Variants in SLC25A42 observed in about 807,000 individuals in gnomAD.
SLC25A42 encodes mitochondrial coenzyme A transporter SLC25A42.
Under a neutral mutation model 34.7 loss-of-function variants are expected in SLC25A42, and 19 were observed. The observed-to-expected ratio is 0.55, with a 90% CI of 0.38 to 0.80. SLC25A42 has a LOEUF of 0.80. Ranked by LOEUF, SLC25A42 falls within the 30% of genes least tolerant of loss-of-function variation. The pLI is 0.00. For synonymous variants in SLC25A42, 205 were observed against 191.2 expected (o/e 1.07, Z -0.59); for missense variants, 364 against 441.3 (o/e 0.82, Z 1.57).
intron 1 of SLC25A42, among the ~76,000 whole-genome samples, chr19:19,067,461 A>G (rs1308006281): frequency 6.6e-6 from 1 of 152,004 alleles, no homozygotes; most frequent in Non-Finnish European, 1.5e-5. Flanking sequence ...GCGTGCGTAA[A>G]TAGTCTCAGC....
chr19:19,091,759 C>G (rs7248771), intron 1 of SLC25A42, among the ~76,000 whole-genome samples: 1 of 151,888 alleles, frequency 6.6e-6, no homozygotes, highest in Non-Finnish European at 1.5e-5. Flanking sequence ...AGCCTATAAT[C>G]CCAGCTATTC....
intron 5 of SLC25A42, chr19:19,106,057 G>T (rs983950310): frequency 3.6e-6 from 2 of 562,932 alleles, no homozygotes; most frequent in South Asian, 2.3e-5. Flanking sequence ...ATGCCAGCAG[G>T]GGGGAAGGGA....
chr19:19,092,934 A>G (rs976429785), intron 1 of SLC25A42, among the ~76,000 whole-genome samples: 1 of 152,112 alleles, frequency 6.6e-6, no homozygotes, highest in Non-Finnish European at 1.5e-5. Context: ...AGTGCATCCC[A>G]TGGGCTGATG....
chr19:19,071,526 T>G (rs1231085118), intron 1 of SLC25A42, among the ~76,000 whole-genome samples: 1 of 152,138 alleles, frequency 6.6e-6, no homozygotes, highest in African/African-American at 2.4e-5. Flanking sequence ...CTGGGAGATC[T>G]GAAGCTAATG....
chr19:19,079,758 G>T (rs1332333470), intron 1 of SLC25A42, among the ~76,000 whole-genome samples: 1 of 152,136 alleles, frequency 6.6e-6, no homozygotes, highest in Admixed American at 6.6e-5. Flanking sequence ...TTTCTATTGT[G>T]TTGGGGTCTC....
rs17854358 is a variant in SLC25A42, at chr19:19,110,853, C to A, written c.934C>A (p.Leu312Met). ...SFTTFDLMQI[L>M]LRHLQS ...CACCACCTTCGACCTCATGCAGATC[C>A]TGCTGCGGCACCTGCAGAGCTAGGG... is the stretch of plus-strand genomic sequence containing the variant. Residue 312 changes from leucine to methionine, a missense_variant, in exon 8 of 8, where the codon CTG becomes ATG. Transcript: ENST00000318596. 1.2e-6 allele frequency: 2 copies of A among 1,613,936 alleles called. No individual in the cohort carries two copies. Among genetic ancestry groups the A allele is most frequent in the Non-Finnish European group, 1.7e-6 (2 of 1,180,008 alleles).
At chr19:19,104,235 C>A (rs1246642933) in intron 3 of SLC25A42, among the ~76,000 whole-genome samples, 1 of 152,162 alleles carries the variant, frequency 6.6e-6, no homozygotes, top group East Asian at 1.9e-4. Flanking sequence ...TTTAAGTGCG[C>A]ATGAGCAGGT....
chr19:19,088,157 C>T (rs1039756627), intron 1 of SLC25A42, among the ~76,000 whole-genome samples: 9 of 151,474 alleles, frequency 5.9e-5, no homozygotes, highest in African/African-American at 2.2e-4. Flanking sequence ...TTCTAAGGAA[C>T]GGTTCCAGAC....
At chr19:19,104,862 G>A (rs373775794) in intron 3 of SLC25A42, 51 bp from the exon 4 acceptor site, 18 of 1,611,576 alleles carry the variant, frequency 1.1e-5, no homozygotes, top group Non-Finnish European at 1.4e-5. Flanking sequence ...ACGCAGATGG[G>A]AGGTTCTGTC....
intron 3 of SLC25A42, 125 bp downstream of exon 3, chr19:19,102,011 G>GTTT: frequency 1.5e-6 from 1 of 657,940 alleles, no homozygotes; most frequent in African/African-American, 1.9e-5. Flanking sequence ...AAGGTTTTTT[G>GTTT]TTGTTTTTTT....
chr19:19,079,495 A>G (rs1568510232), intron 1 of SLC25A42, among the ~76,000 whole-genome samples: 1 of 152,126 alleles, frequency 6.6e-6, no homozygotes, highest in Non-Finnish European at 1.5e-5. Context: ...GGCATTTCAT[A>G]TCAATGGAAC....
intron 1 of SLC25A42, among the ~76,000 whole-genome samples, chr19:19,089,977 G>C (rs1430684065): frequency 6.6e-6 from 1 of 152,246 alleles, no homozygotes; most frequent in East Asian, 1.9e-4. Context: ...GGGAGAGCAG[G>C]AGTCTGCCTT....
At position 19,105,578 on chromosome 19, in the gene SLC25A42, C is replaced by G; in HGVS notation, c.231C>G (p.Leu77=). Residue 77 remains leucine (L), a synonymous_variant, in exon 5 of 8, where the codon CTC becomes CTG. Coordinates refer to ENST00000318596, the MANE Select transcript of SLC25A42 (RefSeq NM_178526.5). ...ATCTCCAGGAGGCCTTCCGGGTCCTCTACTACACCTACCTCAACGAGGGAT... is the reference window on the plus strand; with the variant it reads ...ATCTCCAGGAGGCCTTCCGGGTCCTGTACTACACCTACCTCAACGAGGGAT... ...RFSAKEAFRV[L]YYTYLNEGFL... 6.2e-7 allele frequency: 1 copy of G among 1,613,810 alleles called. No homozygotes were observed. Among genetic ancestry groups the G allele is most frequent in the East Asian group, 2.2e-5 (1 of 44,884 alleles).
intron 7 of SLC25A42, 52 bp from the exon 8 acceptor site, chr19:19,110,517 G>A (rs2059857296): frequency 1.5e-6 from 2 of 1,366,994 alleles, no homozygotes; most frequent in Non-Finnish European, 9.4e-7. Flanking sequence ...CGGGTGCGGG[G>A]TGCGCGCCCC....
intron 6 of SLC25A42, 143 bp from the exon 7 acceptor site, chr19:19,107,751 A>T: frequency 1.3e-6 from 1 of 763,550 alleles, no homozygotes; most frequent in Non-Finnish European, 2.2e-6. Flanking sequence ...TGATGGGGTT[A>T]TATGTCTTGA....
At chr19:19,082,066 C>T (rs2059684499) in intron 1 of SLC25A42, among the ~76,000 whole-genome samples, 1 of 152,202 alleles carries the variant, frequency 6.6e-6, no homozygotes, top group Non-Finnish European at 1.5e-5. Context: ...CACCTCCCGT[C>T]ACTCCCCTGG....
At chr19:19,096,614 C>T (rs2059767101) in intron 2 of SLC25A42, among the ~76,000 whole-genome samples, 1 of 152,016 alleles carries the variant, frequency 6.6e-6, no homozygotes, top group South Asian at 2.1e-4. Flanking sequence ...TTGGAGCCCC[C>T]TTTTCTCCCT....
intron 5 of SLC25A42, 58 bp downstream of exon 5, chr19:19,105,785 T>G: frequency 7.5e-7 from 1 of 1,325,368 alleles, no homozygotes; most frequent in Non-Finnish European, 9.9e-7. Context: ...CCCCTCTCTC[T>G]TTCTTCTGCA....
intron 1 of SLC25A42, among the ~76,000 whole-genome samples, chr19:19,070,295 A>ATTT (rs11390931): frequency 7.6e-5 from 8 of 104,804 alleles, no homozygotes; most frequent in African/African-American, 1.9e-4. Flanking sequence ...CTGCCTGGCC[A>ATTT]TTTTTTTTTT....
Sources: allele counts gnomAD v4.1 joint callset (sites outside exome capture counted in the v4.1 genomes callset), GRCh38; gene constraint gnomAD v4.1.1; transcripts MANE v1.5; gene names NCBI Gene and HGNC (gene_info 2026-07-23, HGNC 2026-07-21).